ENOSF1: variants seen among roughly 807,000 people sequenced by gnomAD.
ENOSF1 encodes the protein enolase superfamily member 1.
ENOSF1 carries 73 observed loss-of-function variants against 68.2 expected under a neutral mutation model. That is an observed-to-expected ratio of 1.07 (90% CI 0.89 to 1.30). The LOEUF (loss-of-function observed/expected upper bound fraction) is 1.30. Ranked by LOEUF, ENOSF1 falls within the 50% of genes most tolerant of loss-of-function variation. The pLI, the probability that ENOSF1 is intolerant of heterozygous loss-of-function variation, is 0.00. For missense variants in ENOSF1, 589 were observed against 554.5 expected, an observed-to-expected ratio of 1.06 and a Z score of -0.62; for synonymous variants, 223 against 210.4, an observed-to-expected ratio of 1.06 and a Z score of -0.52.
chr18:669,218 A>T (rs1567992361), downstream of ENOSF1: 3 of 1,553,122 alleles, frequency 1.9e-6, no homozygotes, highest in Non-Finnish European at 2.7e-6. Context: ...CCATACTCTT[A>T]GAGGGAAGCA....
At position 670,524 on chromosome 18, in the gene ENOSF1, C is replaced by T; in HGVS notation, c.*3781G>A. On this transcript the variant is annotated 3_prime_UTR_variant, in exon 16 of 16. Transcript: ENST00000647584. ...CACCGATGGATAGTCTCCCTCAGCTCCGTGCCATCGCTGCAGAGGCTGTTA... is the reference window on the plus strand; with the variant it reads ...CACCGATGGATAGTCTCCCTCAGCTTCGTGCCATCGCTGCAGAGGCTGTTA... 1.5e-6 allele frequency: 1 copy of T among 659,768 alleles called. No individual in the cohort carries two copies. The highest frequency in any genetic ancestry group is 2.7e-5 in the East Asian group (1 of 36,874). The allele number at this position is 659,768 out of a possible 1,614,324, so 40.9% of individuals were successfully genotyped here.
At chr18:665,105 C>T in the ENOSF1 span, among the ~76,000 whole-genome samples, 1 of 151,906 alleles carries the variant, frequency 6.6e-6, no homozygotes, top group Non-Finnish European at 1.5e-5. Context: ...ACCAGTTCCT[C>T]TTTGTACCTC....
At chr18:694,153 G>A in intron 4 of ENOSF1, 95 bp downstream of exon 4, 3 of 1,292,220 alleles carry the variant, frequency 2.3e-6, no homozygotes, top group Admixed American at 2.1e-5. Flanking sequence ...ATTTCCTTTT[G>A]GGGGCTGCAG....
chr18:691,071 TTTC>T lies in ENOSF1; in HGVS notation c.529_531del (p.Glu177del). Reference sequence around the variant, plus strand: ...AGAAAATTTTCTTACAACCCACCTCTTTCTTTTTTACCAATTTGACCTTTCTGC... The same window carrying T: ...AGAAAATTTTCTTACAACCCACCTCTTTTTTTACCAATTTGACCTTTCTGC... On this transcript the variant is annotated inframe_deletion, in exon 7 of 16. Transcript: ENST00000647584. 2 of 1,613,900 alleles carry T rather than the reference TTTC, an allele frequency of 1.2e-6. No homozygotes were observed. Among genetic ancestry groups the T allele is most frequent in the East Asian group, 2.2e-5 (1 of 44,878 alleles).
chr18:690,798 A>G, intron 7 of ENOSF1, 167 bp from the exon 8 acceptor site: 1 of 1,481,170 alleles, frequency 6.8e-7, no homozygotes, highest in South Asian at 1.4e-5. Flanking sequence ...CCAGGTGATC[A>G]GGATACTCTC....
chr18:678,555 C>T, intron 12 of ENOSF1, 141 bp downstream of exon 12: 1 of 805,264 alleles, frequency 1.2e-6, no homozygotes, highest in South Asian at 1.6e-5. Context: ...GATAAAATGA[C>T]CCAGTTTCTA....
Position 691,071 on chromosome 18 carries a change from T to C in ENOSF1, c.532A>G (p.Arg178Gly), listed in dbSNP as rs866858665. ...LQKGQIGKKE[R>G]EKQMLAQGYP... Reference sequence around the variant, plus strand: ...AGAAAATTTTCTTACAACCCACCTCTTTCTTTTTTACCAATTTGACCTTTC... The same window carrying C: ...AGAAAATTTTCTTACAACCCACCTCCTTCTTTTTTACCAATTTGACCTTTC... Residue 178 changes from arginine (R) to glycine (G), a missense_variant, in exon 7 of 16, where the codon AGA becomes GGA. Coordinates refer to ENST00000647584, the MANE Select transcript of ENOSF1 (RefSeq NM_017512.7). 1.2e-6 allele frequency: 2 copies of C among 1,613,900 alleles called. No individual in the cohort carries two copies. The highest frequency in any genetic ancestry group is 8.5e-7 in the Non-Finnish European group (1 of 1,179,958).
rs897862573 is a variant in ENOSF1 at position 692,880 on chromosome 18, C to T, written c.423+1002G>A. On this transcript the variant is annotated intron_variant, in intron 5 of 15. Coordinates refer to ENST00000647584, the MANE Select transcript of ENOSF1 (RefSeq NM_017512.7). The stretch of plus-strand genomic sequence containing the variant: ...ACAGCCTCCTGTCTTCACTTTCCTC[C>T]GGAGGAGGAGCAGTCTCCTGCCCAA... The T allele has an allele frequency of 1.3e-4, 141 of 1,104,640 alleles. 4 individuals are homozygous for T. In the Middle Eastern group the frequency reaches 1.8e-3, roughly 14 times the overall value. 68.4% of individuals were successfully genotyped at this position (1,104,640 alleles called of 1,614,324 possible). A position where few individuals can be genotyped will look rare whatever the true frequency, so the allele number is the denominator to read the frequency against.
At position 677,831 on chromosome 18, in the gene ENOSF1, C is replaced by T. The variant is rs1396357311; in HGVS notation, c.960G>A (p.Lys320=). The T allele has an allele frequency of 6.2e-7, 1 of 1,614,154 alleles. No homozygotes were observed. The highest frequency in any genetic ancestry group is 1.1e-5 in the South Asian group (1 of 91,076). Residue 320 remains lysine (K), a synonymous_variant, in exon 13 of 16, where the codon AAG becomes AAA. Coordinates refer to ENST00000647584, the MANE Select transcript of ENOSF1 (RefSeq NM_017512.7). ...RVIFKQLLQA[K]ALQFLQIDSC... is the part of the protein sequence containing the mutation. ...TGTCAATCTGGAGGAACTGCAGGGC[C>T]TTCGCCTGTAGGAGTTGCTTAAATA... is the stretch of plus-strand genomic sequence containing the variant.
chr18:709,293 G>C (rs76883411), intron 1 of ENOSF1, among the ~76,000 whole-genome samples: 5,131 of 152,214 alleles, frequency 0.034, 107 homozygotes, highest in East Asian at 0.088. Flanking sequence ...CTGAGCCTCA[G>C]AGAGGGAAGA....
Position 670,532 on chromosome 18 carries a change from T to C in ENOSF1, c.*3773A>G. 2.9e-6 allele frequency: 2 copies of C among 695,154 alleles called. No homozygotes were observed. Among genetic ancestry groups the C allele is most frequent in the Non-Finnish European group, 2.4e-6 (1 of 418,054 alleles). 43.1% of individuals were successfully genotyped at this position (695,154 alleles called of 1,614,324 possible). On this transcript the variant is annotated 3_prime_UTR_variant, in exon 16 of 16. Coordinates refer to ENST00000647584, the MANE Select transcript of ENOSF1 (RefSeq NM_017512.7). ...GATAGTCTCCCTCAGCTCCGTGCCA[T>C]CGCTGCAGAGGCTGTTATGGACATC... is the stretch of plus-strand genomic sequence containing the variant.
At chr18:667,041 T>A (rs866946155), downstream of ENOSF1, among the ~76,000 whole-genome samples, 7 of 20,782 alleles carry the variant, frequency 3.4e-4, no homozygotes, top group Admixed American at 1.4e-3. Flanking sequence ...ATGGAGATGG[T>A]GATGGTGATG....
At chr18:705,654 G>C (rs1263646721) in intron 2 of ENOSF1, among the ~76,000 whole-genome samples, 1 of 152,150 alleles carries the variant, frequency 6.6e-6, no homozygotes, top group African/African-American at 2.4e-5. Context: ...CTCCGAGATT[G>C]GGCGGGGCCA....
At chr18:712,350 C>G (rs2079663978) in intron 1 of ENOSF1, 154 bp downstream of exon 1, 1 of 1,442,944 alleles carries the variant, frequency 6.9e-7, no homozygotes, top group African/African-American at 1.8e-5. Context: ...GGGCCGCAAG[C>G]CGCGCGTACC....
chr18:705,595 A>C (rs140169656), intron 2 of ENOSF1, among the ~76,000 whole-genome samples: 33 of 152,348 alleles, frequency 2.2e-4, no homozygotes, highest in African/African-American at 7.9e-4. Flanking sequence ...AATGACGTAT[A>C]CATGGCTCAG....
intron 1 of ENOSF1, among the ~76,000 whole-genome samples, chr18:709,388 C>G (rs990027553): frequency 5.3e-5 from 8 of 152,010 alleles, no homozygotes; most frequent in African/African-American, 1.9e-4. Flanking sequence ...CAGCCGACAG[C>G]GGAAAACGTA....
At chr18:677,932 T>C (rs2144603850) in intron 12 of ENOSF1, 60 bp from the exon 13 acceptor site, 1 of 1,564,880 alleles carries the variant, frequency 6.4e-7, no homozygotes, top group Non-Finnish European at 8.6e-7. Flanking sequence ...TCAGGATCTC[T>C]AAACCTGGCA....
intron 8 of ENOSF1, among the ~76,000 whole-genome samples, chr18:689,650 T>G (rs1359258140): frequency 6.6e-6 from 1 of 152,164 alleles, no homozygotes; most frequent in Non-Finnish European, 1.5e-5. Context: ...CAAAAGCCCA[T>G]GTGACATAAG....
chr18:699,755 G>A (rs1168743895), intron 2 of ENOSF1, among the ~76,000 whole-genome samples: 1 of 152,302 alleles, frequency 6.6e-6, no homozygotes, highest in East Asian at 1.9e-4. Flanking sequence ...CAGTTTTACT[G>A]TCAATAAGAT....
Sources: gnomAD v4.1 joint callset for allele counts (sites outside exome capture counted in the v4.1 genomes callset) on GRCh38, gnomAD v4.1.1 for gene constraint, MANE v1.5 for transcripts, NCBI Gene and HGNC (gene_info 2026-07-23, HGNC 2026-07-21) for gene names.